Variants in SLC41A1 observed in about 807,000 individuals in gnomAD.
SLC41A1 encodes the protein solute carrier family 41 member 1.
In SLC41A1, 20 loss-of-function variants were observed where a neutral mutation model predicts 47.3. That is an observed-to-expected ratio of 0.42 (90% CI 0.30 to 0.61). SLC41A1 has a LOEUF of 0.61. Among genes scored for constraint, SLC41A1 ranks in the 20% least tolerant of loss-of-function variants. The pLI is 0.17. For missense variants in SLC41A1, 504 were observed against 674.1 expected, an observed-to-expected ratio of 0.75 and a Z score of 2.79; for synonymous variants, 282 against 272.7, an observed-to-expected ratio of 1.03 and a Z score of -0.34.
intron 3 of SLC41A1, among the ~76,000 whole-genome samples, chr1:205,800,422 C>T (rs946764590): frequency 3.3e-5 from 5 of 152,234 alleles, no homozygotes; most frequent in East Asian, 1.9e-4. Flanking sequence ...TGTTCAGGCC[C>T]GGAATCGTCA....
intron 6 of SLC41A1, 75 bp downstream of exon 6, chr1:205,798,594 T>C: frequency 6.2e-7 from 1 of 1,600,860 alleles, no homozygotes; most frequent in Non-Finnish European, 8.6e-7. Flanking sequence ...AAGAAACTCT[T>C]GCACATTTGC....
intron 10 of SLC41A1, among the ~76,000 whole-genome samples, chr1:205,793,299 T>G (rs1284944870): frequency 6.6e-6 from 1 of 152,148 alleles, no homozygotes; most frequent in Admixed American, 6.5e-5. Flanking sequence ...TCCACAGATC[T>G]AGAGAGGACA....
Position 205,790,282 on chromosome 1 carries a change from G to C in SLC41A1, c.*1251C>G, listed in dbSNP as rs1655592688. ...TAACCTGGAGAATGAGGTGAGGTTA[G>C]AGCTGTGTTTCCCTTACCACTGGCT... is the stretch of plus-strand genomic sequence containing the variant. On this transcript the variant is annotated 3_prime_UTR_variant, in exon 11 of 11. Transcript: ENST00000367137. The C allele has an allele frequency of 6.6e-6, 1 of 152,238 alleles. No individual in the cohort carries two copies. Among genetic ancestry groups the C allele is most frequent in the African/African-American group, 2.4e-5 (1 of 41,452 alleles). 9.4% of individuals were successfully genotyped at this position (152,238 alleles called of 1,614,324 possible).
chr1:205,808,435 G>A (rs1656066735), intron 2 of SLC41A1, among the ~76,000 whole-genome samples: 1 of 152,124 alleles, frequency 6.6e-6, no homozygotes, highest in Non-Finnish European at 1.5e-5. Flanking sequence ...CTACCGAAGA[G>A]CCCCCCAAAT....
intron 8 of SLC41A1, 31 bp from the exon 9 acceptor site, chr1:205,795,509 ACAG>A: frequency 1.2e-6 from 2 of 1,613,744 alleles, no homozygotes; most frequent in East Asian, 2.2e-5. Flanking sequence ...TTAGACACAG[ACAG>A]AGGTCAGAGG....
rs1388252292 is a variant in SLC41A1 at position 205,789,549 on chromosome 1, TGTAA to T, written c.*1980_*1983del. The T allele has an allele frequency of 6.6e-6, 1 of 152,188 alleles. No individual in the cohort carries two copies. Among genetic ancestry groups the T allele is most frequent in the South Asian group, 2.1e-4 (1 of 4,826 alleles). The allele number at this position is 152,188 out of a possible 1,614,324, so 9.4% of individuals were successfully genotyped here. A position where few individuals can be genotyped will look rare whatever the true frequency, so the allele number is the denominator to read the frequency against. On this transcript the variant is annotated 3_prime_UTR_variant, in exon 11 of 11. Transcript: ENST00000367137. ...GATGCCTGTACAAGAAGAATCTGTG[TGTAA>T]GTATTTTTTGAGGTGGAGGAAAAGA...
At position 205,795,156 on chromosome 1, in the gene SLC41A1, T is replaced by G. The variant is rs1009425138; in HGVS notation, c.1208-138A>C. 10 of 1,421,838 alleles carry G rather than the reference T, an allele frequency of 7.0e-6. No homozygotes were observed. In the Admixed American group the frequency reaches 2.0e-4, roughly 28 times the overall value. The allele number at this position is 1,421,838 out of a possible 1,614,324, so 88.1% of individuals were successfully genotyped here. On this transcript the variant is annotated intron_variant, in intron 9 of 10. Transcript: ENST00000367137. The stretch of plus-strand genomic sequence containing the variant: ...ATGTCTCTACTTCTGCATCCTGTGG[T>G]CTCCAACCCCTAGGGTGCTCCAGGA...
chr1:205,800,356 G>C (rs1182478419), intron 3 of SLC41A1, among the ~76,000 whole-genome samples: 1 of 152,226 alleles, frequency 6.6e-6, no homozygotes, highest in African/African-American at 2.4e-5. Context: ...CCTGCAGGGA[G>C]ATCCCTGGCC....
chr1:205,798,985 G>C lies in SLC41A1; in HGVS notation c.669C>G (p.Ala223=). The C allele has an allele frequency of 6.2e-7, 1 of 1,614,094 alleles. No individual in the cohort carries two copies. ...GTACCAGGGAGGCAATGAAGGCTGT[G>C]GCCACGCTGCTAGCACAGAGCAGGA... ...HAFLLCASSV[A]TAFIASLVLG... is the part of the protein sequence containing the mutation. Residue 223 remains alanine, a synonymous_variant, in exon 5 of 11, where the codon GCC becomes GCG. Coordinates refer to ENST00000367137, the MANE Select transcript of SLC41A1 (RefSeq NM_173854.6).
Position 205,803,734 on chromosome 1 carries a change from C to T in SLC41A1, c.373-2674G>A, listed in dbSNP as rs1339074123. ...CTTCGGGCTCCAGCCATCCTCCCAT[C>T]TCAGTCTCTCGGGTAGTTGGGACTA... On this transcript the variant is annotated intron_variant, in intron 2 of 10. Coordinates refer to ENST00000367137, the MANE Select transcript of SLC41A1 (RefSeq NM_173854.6). Among the ~76,000 whole-genome samples, 8 of 151,108 alleles carry T rather than the reference C, an allele frequency of 5.3e-5. No individual in the cohort carries two copies. In the South Asian group the frequency reaches 1.5e-3, roughly 28 times the overall value.
chr1:205,813,007 A>T lies in SLC41A1; in HGVS notation c.-846T>A. On this transcript the variant is annotated 5_prime_UTR_variant, in exon 1 of 11. Coordinates refer to ENST00000367137, the MANE Select transcript of SLC41A1 (RefSeq NM_173854.6). ...TCGCTACATTTCGCTTCTGCGTTAC[A>T]GCGAGGCCGCCGCTCCGCTTCCACG... The T allele has an allele frequency of 1.0e-6, 1 of 985,500 alleles. No individual in the cohort carries two copies. Among genetic ancestry groups the T allele is most frequent in the African/African-American group, 1.7e-5 (1 of 57,362 alleles). 61.0% of individuals were successfully genotyped at this position (985,500 alleles called of 1,614,324 possible). A position where few individuals can be genotyped will look rare whatever the true frequency, so the allele number is the denominator to read the frequency against.
rs1571645187 is a variant in SLC41A1, at chr1:205,801,128, A to G, written c.373-68T>C. ...GGGCGGGCATTGAGGTTCAACAGGTAGTCTGAGATCAGGGGCTCGAGGAGG... is the reference window on the plus strand; with the variant it reads ...GGGCGGGCATTGAGGTTCAACAGGTGGTCTGAGATCAGGGGCTCGAGGAGG... On this transcript the variant is annotated intron_variant, in intron 2 of 10. Coordinates refer to ENST00000367137, the MANE Select transcript of SLC41A1 (RefSeq NM_173854.6). The G allele has an allele frequency of 9.4e-6, 12 of 1,274,762 alleles. No homozygotes were observed. In the East Asian group the frequency reaches 2.8e-4, roughly 30 times the overall value. 79.0% of individuals were successfully genotyped at this position (1,274,762 alleles called of 1,614,324 possible).
At chr1:205,799,261 T>G (rs1385782022) in intron 4 of SLC41A1, among the ~76,000 whole-genome samples, 160 bp from the exon 5 acceptor site, 1 of 152,098 alleles carries the variant, frequency 6.6e-6, no homozygotes, top group Non-Finnish European at 1.5e-5. Context: ...ATGTCTTTAT[T>G]TATTTAGGTT....
chr1:205,791,478 A>G lies in SLC41A1; in HGVS notation c.*55T>C. 1 of 1,611,434 alleles carries G rather than the reference A, an allele frequency of 6.2e-7. No homozygotes were observed. The highest frequency in any genetic ancestry group is 2.2e-5 in the East Asian group (1 of 44,854). ...GGTGGAGGAGGGACAGGGGAACAAA[A>G]GAAAAATTTCAAATAGAAAGTGCAG... On this transcript the variant is annotated 3_prime_UTR_variant, in exon 11 of 11. Coordinates refer to ENST00000367137, the MANE Select transcript of SLC41A1 (RefSeq NM_173854.6). The surrounding 1 kb of genome is among the most constrained non-coding windows in gnomAD (Gnocchi z 4.0).
At position 205,789,466 on chromosome 1, in the gene SLC41A1, G is replaced by C. The variant is rs1269241024; in HGVS notation, c.*2067C>G. 1 of 152,320 alleles carries C rather than the reference G, an allele frequency of 6.6e-6. No homozygotes were observed. The highest frequency in any genetic ancestry group is 6.5e-5 in the Admixed American group (1 of 15,280). The allele number at this position is 152,320 out of a possible 1,614,324, so 9.4% of individuals were successfully genotyped here. On this transcript the variant is annotated 3_prime_UTR_variant, in exon 11 of 11. Coordinates refer to ENST00000367137, the MANE Select transcript of SLC41A1 (RefSeq NM_173854.6). ...GAGATGAGGAAGGGGCGAGTGACTG[G>C]GGTAGGGGTGGCTGGAGACCACAGG...
At chr1:205,795,211 C>G in intron 9 of SLC41A1, 133 bp downstream of exon 9, 1 of 1,507,628 alleles carries the variant, frequency 6.6e-7, no homozygotes, top group Non-Finnish European at 9.1e-7. Context: ...GGGCTCTGCC[C>G]TTCAGAACAG....
Position 205,795,368 on chromosome 1 carries a change from G to A in SLC41A1, c.1183C>T (p.Pro395Ser). 6.2e-7 allele frequency: 1 copy of A among 1,614,218 alleles called. No homozygotes were observed. The highest frequency in any genetic ancestry group is 2.2e-5 in the East Asian group (1 of 44,876). The change falls in exon 9 of 11, where the codon CCT becomes TCT. Residue 395 changes from proline (P) to serine (S), a missense_variant. Physicochemically the swap from Pro to Ser is moderately conservative, Grantham distance 74. Around this residue, in one of 2 missense-constraint regions of SLC41A1, gnomAD observed 421 missense variants for 601.6 expected, o/e 0.70. Coordinates refer to ENST00000367137, the MANE Select transcript of SLC41A1 (RefSeq NM_173854.6). ...CCAGGGCTGAAGAAGGTGGTACAAG[G>A]ACTGGGACAGCGGCGAGGAGCTTGC... Reference protein sequence around the residue: ...SEQAPRRCPSPCTTFFSPDVN... With the variant: ...SEQAPRRCPSSCTTFFSPDVN...
At chr1:205,799,253 G>A (rs1655816796) in intron 4 of SLC41A1, 152 bp from the exon 5 acceptor site, 2 of 1,068,518 alleles carry the variant, frequency 1.9e-6, no homozygotes, top group Non-Finnish European at 2.7e-6. Flanking sequence ...CTGGAAGGAT[G>A]TCTTTATTTA....
chr1:205,810,518 G>A lies in SLC41A1; in HGVS notation c.-77C>T. On this transcript the variant is annotated 5_prime_UTR_variant, in exon 2 of 11. Coordinates refer to ENST00000367137, the MANE Select transcript of SLC41A1 (RefSeq NM_173854.6). This position sits in a 1 kb window ranked among gnomAD's most constrained non-coding sequence, Gnocchi z 5.5. Reference sequence around the variant, plus strand: ...CTCTCTTCTTCTCTAACTTGGGAAAGAACTTAGTCTTGGGGTGAACCCAGG... The same window carrying A: ...CTCTCTTCTTCTCTAACTTGGGAAAAAACTTAGTCTTGGGGTGAACCCAGG... 1 of 1,609,770 alleles carries A rather than the reference G, an allele frequency of 6.2e-7. No homozygotes were observed. Among genetic ancestry groups the A allele is most frequent in the Non-Finnish European group, 8.5e-7 (1 of 1,179,508 alleles).
Sources: gnomAD v4.1 joint callset for allele counts (sites outside exome capture counted in the v4.1 genomes callset) on GRCh38, gnomAD v4.1.1 for gene constraint, gnomAD v4.1.1 regional missense constraint, Gnocchi (gnomAD v3.1) non-coding constraint, MANE v1.5 for transcripts, NCBI Gene and HGNC (gene_info 2026-07-23, HGNC 2026-07-21) for gene names.